Variants in CCNY observed in about 807,000 individuals in gnomAD.
The protein encoded by CCNY is cyclin-Y.
A neutral mutation model predicts 42.8 loss-of-function variants in CCNY; 19 were observed. The observed-to-expected ratio is 0.44, with a 90% CI of 0.31 to 0.65. The LOEUF is 0.65. Among genes scored for constraint, CCNY ranks in the 30% least tolerant of loss-of-function variants. CCNY has a pLI of 0.07. For synonymous variants in CCNY, 165 were observed against 162.7 expected (o/e 1.01, Z -0.11); for missense variants, 370 against 437.3 (o/e 0.85, Z 1.37).
chr10:35,434,002 A>G (rs894168460), intron 1 of CCNY: 3 of 152,212 alleles, frequency 2.0e-5, no homozygotes, highest in African/African-American at 7.2e-5. Flanking sequence ...AAGTGCTACA[A>G]ATCTCATCAG....
intron 3 of CCNY, among the ~76,000 whole-genome samples, chr10:35,513,985 T>C (rs893607222): frequency 8.2e-5 from 12 of 146,186 alleles, no homozygotes; most frequent in Non-Finnish European, 1.5e-4. Context: ...CTCTGCTGCT[T>C]CCAGAGGCCG....
intron 1 of CCNY, among the ~76,000 whole-genome samples, chr10:35,377,150 C>CT (rs1411195154): frequency 2.0e-5 from 3 of 152,086 alleles, no homozygotes; most frequent in South Asian, 2.1e-4. Flanking sequence ...AGTATAATTA[C>CT]TTTTTAAAAA....
intron 3 of CCNY, among the ~76,000 whole-genome samples, chr10:35,261,962 A>C (rs2095720047): frequency 1.3e-5 from 2 of 152,106 alleles, no homozygotes; most frequent in African/African-American, 4.8e-5. Context: ...TGGAGGTTGC[A>C]GTGAGCTGAG....
At chr10:35,272,286 C>CTT (rs771994509) in intron 3 of CCNY, among the ~76,000 whole-genome samples, 170 of 139,494 alleles carry the variant, frequency 1.2e-3, no homozygotes, top group Middle Eastern at 3.8e-3. Flanking sequence ...TGTGCCTGGC[C>CTT]TTTTTTTTTT....
intron 1 of CCNY, among the ~76,000 whole-genome samples, chr10:35,395,285 G>A (rs1238336223): frequency 6.6e-6 from 1 of 152,192 alleles, no homozygotes; most frequent in African/African-American, 2.4e-5. Flanking sequence ...CTGGGTAGTA[G>A]TTAAGGTGGT....
chr10:35,371,256 C>T (rs923209464), intron 1 of CCNY, among the ~76,000 whole-genome samples: 3 of 152,198 alleles, frequency 2.0e-5, no homozygotes, highest in Non-Finnish European at 4.4e-5. Context: ...GTGACCTGGA[C>T]ATTGTATCAG....
At chr10:35,342,119 C>T (rs1836194373) in intron 1 of CCNY, among the ~76,000 whole-genome samples, 1 of 152,032 alleles carries the variant, frequency 6.6e-6, no homozygotes, top group Non-Finnish European at 1.5e-5. Context: ...GGGACTCATC[C>T]CAAGCAGCGG....
chr10:35,483,508 A>AC, intron 2 of CCNY, 30 bp downstream of exon 2: 1 of 1,401,796 alleles, frequency 7.1e-7, no homozygotes, highest in Non-Finnish European at 1.0e-6. Flanking sequence ...TTCTTTTTGT[A>AC]AAAAAGGCTC....
At chr10:35,480,510 G>A (rs1193677818) in intron 1 of CCNY, among the ~76,000 whole-genome samples, 3 of 152,138 alleles carry the variant, frequency 2.0e-5, no homozygotes, top group Non-Finnish European at 4.4e-5. Context: ...GGACACTGCC[G>A]AGGGGAGACT....
chr10:35,387,805 C>A (rs531241864), intron 1 of CCNY, among the ~76,000 whole-genome samples: 1 of 152,158 alleles, frequency 6.6e-6, no homozygotes, highest in Non-Finnish European at 1.5e-5. Flanking sequence ...CCAAGATCCA[C>A]GTAAGAATAT....
At chr10:35,259,763 C>T (rs368767470) in intron 3 of CCNY, among the ~76,000 whole-genome samples, 7 of 149,318 alleles carry the variant, frequency 4.7e-5, no homozygotes, top group Admixed American at 3.4e-4. Flanking sequence ...CCGCCTGCCT[C>T]GGCCTCCCAA....
chr10:35,458,910 T>TTG (rs1452872953), intron 1 of CCNY, among the ~76,000 whole-genome samples: 1 of 152,088 alleles, frequency 6.6e-6, no homozygotes, highest in Admixed American at 6.5e-5. Flanking sequence ...CAGCCCTTAG[T>TTG]TGATTCAGAG....
At chr10:35,337,713 C>A (rs535450413) in intron 1 of CCNY, among the ~76,000 whole-genome samples, 1 of 150,674 alleles carries the variant, frequency 6.6e-6, no homozygotes, top group Non-Finnish European at 1.5e-5. Context: ...GACTCCACTT[C>A]CCCCGTTCCC....
intron 3 of CCNY, among the ~76,000 whole-genome samples, chr10:35,266,249 CTTTTTTTTTTTTT>C (rs773886027): frequency 1.8e-5 from 2 of 110,126 alleles, no homozygotes; most frequent in Admixed American, 1.0e-4. Flanking sequence ...GGCTAATTTC[CTTTTTTTTTTTTT>C]TTTTTTTTTG....
At chr10:35,465,904 G>T (rs940145766) in intron 1 of CCNY, among the ~76,000 whole-genome samples, 6 of 68,324 alleles carry the variant, frequency 8.8e-5, no homozygotes, top group African/African-American at 2.2e-4. Context: ...AGGGTAGGGG[G>T]AAGAGAGAGA....
chr10:35,524,501 C>T (rs1475375419), intron 4 of CCNY, among the ~76,000 whole-genome samples: 1 of 152,194 alleles, frequency 6.6e-6, no homozygotes, highest in East Asian at 1.9e-4. Context: ...AAGGTGCGTG[C>T]TCATGTCTCT....
intron 4 of CCNY, among the ~76,000 whole-genome samples, chr10:35,522,665 C>A (rs1201335586): frequency 6.6e-6 from 1 of 152,158 alleles, no homozygotes; most frequent in African/African-American, 2.4e-5. Context: ...AGAACCCATA[C>A]AACAGCTCTG....
At chr10:35,404,950 T>C (rs112558495) in intron 1 of CCNY, among the ~76,000 whole-genome samples, 1 of 152,070 alleles carries the variant, frequency 6.6e-6, no homozygotes, top group Admixed American at 6.5e-5. Flanking sequence ...GAGGCTGGTA[T>C]GAAGGGTGCA....
intron 1 of CCNY, among the ~76,000 whole-genome samples, chr10:35,481,612 T>C (rs947953017): frequency 1.3e-5 from 2 of 152,206 alleles, no homozygotes; most frequent in Non-Finnish European, 2.9e-5. Context: ...GGATTGATTT[T>C]CTGGTGTCAC....
Sources: gnomAD v4.1 joint callset for allele counts (sites outside exome capture counted in the v4.1 genomes callset) on GRCh38, gnomAD v4.1.1 for gene constraint, MANE v1.5 for transcripts, NCBI Gene and HGNC (gene_info 2026-07-23, HGNC 2026-07-21) for gene names.